Variants in EDIL3 observed in about 807,000 individuals in gnomAD.
The protein encoded by EDIL3 is EGF like and discoidin domains 3.
Under a neutral mutation model 67.4 loss-of-function variants are expected in EDIL3, and 37 were observed. The ratio of observed to expected loss-of-function variants is 0.55; its 90% CI spans 0.42 to 0.72. The LOEUF (loss-of-function observed/expected upper bound fraction) is 0.72. Ranked by LOEUF, EDIL3 falls within the 30% of genes least tolerant of loss-of-function variation. EDIL3 has a pLI of 0.00. For synonymous variants in EDIL3, 195 were observed against 196.3 expected (o/e 0.99, Z 0.05); for missense variants, 527 against 586.3 (o/e 0.90, Z 1.04).
chr5:84,163,161 C>A (rs1157942159), intron 4 of EDIL3, among the ~76,000 whole-genome samples: 1 of 151,960 alleles, frequency 6.6e-6, no homozygotes, highest in African/African-American at 2.4e-5. Context: ...AGATGACAAA[C>A]CCAAATCATG....
At chr5:84,000,456 G>A (rs867209653) in intron 9 of EDIL3, among the ~76,000 whole-genome samples, 4 of 152,084 alleles carry the variant, frequency 2.6e-5, no homozygotes, top group South Asian at 2.1e-4. Context: ...TTACTTGTTT[G>A]TTAGATTGTT....
intron 9 of EDIL3, among the ~76,000 whole-genome samples, chr5:84,014,992 A>G (rs1745577093): frequency 6.6e-6 from 1 of 152,168 alleles, no homozygotes; most frequent in African/African-American, 2.4e-5. Context: ...TCTCTACTAT[A>G]GATCAATTTT....
At chr5:84,163,363 G>A (rs1271643147) in intron 4 of EDIL3, among the ~76,000 whole-genome samples, 1 of 152,042 alleles carries the variant, frequency 6.6e-6, no homozygotes, top group Admixed American at 6.6e-5. Flanking sequence ...ACATTCCTAT[G>A]AGACTATACC....
intron 1 of EDIL3, among the ~76,000 whole-genome samples, chr5:84,347,953 G>C (rs1320154003): frequency 6.6e-6 from 1 of 152,122 alleles, no homozygotes; most frequent in Non-Finnish European, 1.5e-5. Flanking sequence ...GTATGTTGCT[G>C]TTTCATTCAG....
chr5:84,380,100 A>T (rs1456428506), intron 1 of EDIL3, among the ~76,000 whole-genome samples: 4 of 152,164 alleles, frequency 2.6e-5, no homozygotes, highest in African/African-American at 9.6e-5. Context: ...CATGAGAAAT[A>T]TTTTAATAAT....
chr5:84,023,026 C>T (rs1429028532), intron 9 of EDIL3, among the ~76,000 whole-genome samples: 1 of 151,746 alleles, frequency 6.6e-6, no homozygotes, highest in Admixed American at 6.6e-5. Flanking sequence ...ATGTAAAATA[C>T]TATGTATCAA....
chr5:84,137,743 A>G (rs574485472), intron 4 of EDIL3, among the ~76,000 whole-genome samples: 73 of 152,340 alleles, frequency 4.8e-4, no homozygotes, highest in Middle Eastern at 3.4e-3. Flanking sequence ...ACAACTGCCA[A>G]TTAACACTGT....
At chr5:84,002,941 C>T (rs554794052) in intron 9 of EDIL3, among the ~76,000 whole-genome samples, 1 of 152,180 alleles carries the variant, frequency 6.6e-6, no homozygotes, top group Admixed American at 6.5e-5. Flanking sequence ...AGCACAGTCA[C>T]TCTACCAGTG....
chr5:84,148,998 A>G (rs1341235685), intron 4 of EDIL3, among the ~76,000 whole-genome samples: 1 of 150,754 alleles, frequency 6.6e-6, no homozygotes, highest in Non-Finnish European at 1.5e-5. Flanking sequence ...AAAACCTCAG[A>G]CAAAATACGT....
At chr5:84,316,726 C>T (rs187137961) in intron 1 of EDIL3, among the ~76,000 whole-genome samples, 2 of 152,168 alleles carry the variant, frequency 1.3e-5, no homozygotes, top group Admixed American at 1.3e-4. Flanking sequence ...ACAAGGATAT[C>T]CAGGGCTTGA....
chr5:84,371,514 C>A (rs1747855469), intron 1 of EDIL3, among the ~76,000 whole-genome samples: 1 of 145,184 alleles, frequency 6.9e-6, no homozygotes, highest in African/African-American at 2.5e-5. Flanking sequence ...TCAAGAAGAT[C>A]ATGAATACTT....
At chr5:84,079,956 T>C (rs1288242555) in intron 6 of EDIL3, among the ~76,000 whole-genome samples, 1 of 151,566 alleles carries the variant, frequency 6.6e-6, no homozygotes, top group Non-Finnish European at 1.5e-5. Flanking sequence ...TGAACACACC[T>C]AAGGAGGAAG....
chr5:84,231,431 ATT>A (rs940748057), intron 2 of EDIL3, among the ~76,000 whole-genome samples: 66 of 152,282 alleles, frequency 4.3e-4, no homozygotes, highest in African/African-American at 1.5e-3. Flanking sequence ...AGCCAGTCCT[ATT>A]TCACTTGATT....
intron 9 of EDIL3, among the ~76,000 whole-genome samples, chr5:84,039,068 C>T (rs1746073790): frequency 6.6e-6 from 1 of 151,084 alleles, no homozygotes; most frequent in Non-Finnish European, 1.5e-5. Context: ...TAGGTAGTAG[C>T]TATGGGGATT....
At position 84,030,525 on chromosome 5, in the gene EDIL3, T is replaced by C. The variant is rs139232382; in HGVS notation, c.1137+29775A>G. On this transcript the variant is annotated intron_variant, in intron 9 of 10. Coordinates refer to ENST00000296591, the MANE Select transcript of EDIL3 (RefSeq NM_005711.5). Reference sequence around the variant, plus strand: ...TGAAAAAATCGCACAAGAACATGTATACTGAATTTCTGTTTATTCCTAGGG... The same window carrying C: ...TGAAAAAATCGCACAAGAACATGTACACTGAATTTCTGTTTATTCCTAGGG... Among the ~76,000 whole-genome samples the C allele has an allele frequency of 3.1e-4, 47 of 152,294 alleles. No individual in the cohort carries two copies. In the Middle Eastern group the frequency reaches 0.027, roughly 88 times the overall value.
intron 3 of EDIL3, among the ~76,000 whole-genome samples, chr5:84,217,779 T>C (rs1482900151): frequency 2.0e-5 from 3 of 150,966 alleles, no homozygotes; most frequent in African/African-American, 4.9e-5. Context: ...TCTGGTTCTG[T>C]TTCTCTGGAG....
chr5:84,100,892 A>C (rs889611159), intron 6 of EDIL3, among the ~76,000 whole-genome samples: 2 of 152,058 alleles, frequency 1.3e-5, no homozygotes, highest in Admixed American at 1.3e-4. Context: ...AAATTGTTAA[A>C]TATATTATTA....
intron 2 of EDIL3, among the ~76,000 whole-genome samples, chr5:84,232,843 T>C (rs1744610175): frequency 6.6e-6 from 1 of 152,112 alleles, no homozygotes; most frequent in Admixed American, 6.6e-5. Context: ...GAACAAAACA[T>C]CATCAACTAT....
chr5:84,040,076 G>A (rs1746091483), intron 9 of EDIL3, among the ~76,000 whole-genome samples: 1 of 152,100 alleles, frequency 6.6e-6, no homozygotes, highest in Non-Finnish European at 1.5e-5. Context: ...AGAATATTGA[G>A]ATAGTAACAG....
Sources: gnomAD v4.1 joint callset for allele counts (sites outside exome capture counted in the v4.1 genomes callset) on GRCh38, gnomAD v4.1.1 for gene constraint, MANE v1.5 for transcripts, NCBI Gene and HGNC (gene_info 2026-07-23, HGNC 2026-07-21) for gene names.